MTHFD2L: variants seen among roughly 807,000 people sequenced by gnomAD.
MTHFD2L encodes methylenetetrahydrofolate dehydrogenase (NADP+ dependent) 2 like.
In MTHFD2L, 29 loss-of-function variants were observed where a neutral mutation model predicts 34.9. That is an observed-to-expected ratio of 0.83 (90% CI 0.62 to 1.13). The LOEUF (loss-of-function observed/expected upper bound fraction) is 1.13. Ranked by LOEUF, MTHFD2L falls within the 50% of genes most tolerant of loss-of-function variation. MTHFD2L has a pLI of 0.00. For synonymous variants in MTHFD2L, 167 were observed against 155.7 expected, an observed-to-expected ratio of 1.07 and a Z score of -0.54; for missense variants, 481 against 446.5, an observed-to-expected ratio of 1.08 and a Z score of -0.70.
intron 1 of MTHFD2L, among the ~76,000 whole-genome samples, chr4:74,169,622 C>G (rs1342872207): frequency 6.6e-6 from 1 of 152,112 alleles, no homozygotes; most frequent in Non-Finnish European, 1.5e-5. Flanking sequence ...ATATTGCTGA[C>G]ACAAATTGAT....
intron 5 of MTHFD2L, among the ~76,000 whole-genome samples, chr4:74,218,637 A>G (rs993426085): frequency 3.4e-5 from 5 of 148,344 alleles, no homozygotes; most frequent in Middle Eastern, 3.4e-3. Context: ...CACCAAAAAA[A>G]TGATACTAAC....
intron 1 of MTHFD2L, among the ~76,000 whole-genome samples, chr4:74,150,106 T>A (rs989092702): frequency 1.3e-5 from 2 of 152,022 alleles, no homozygotes; most frequent in African/African-American, 4.8e-5. Context: ...CCAAAGAAAG[T>A]GGGTAGGTTG....
intron 1 of MTHFD2L, among the ~76,000 whole-genome samples, chr4:74,150,256 T>C (rs970145414): frequency 6.6e-6 from 1 of 152,172 alleles, no homozygotes; most frequent in Non-Finnish European, 1.5e-5. Context: ...GTTTTTGTTG[T>C]TGTTGTTTGT....
upstream of MTHFD2L, among the ~76,000 whole-genome samples, chr4:74,121,722 G>A (rs1466077924): frequency 6.9e-6 from 1 of 144,028 alleles, no homozygotes; most frequent in South Asian, 2.2e-4. Context: ...TATATATGGC[G>A]AGTTGTATAA....
At chr4:74,149,381 C>T (rs1031412812) in intron 1 of MTHFD2L, among the ~76,000 whole-genome samples, 1 of 150,312 alleles carries the variant, frequency 6.7e-6, no homozygotes, top group African/African-American at 2.4e-5. Context: ...AAACTAAATG[C>T]CCCTATTTAA....
intron 2 of MTHFD2L, among the ~76,000 whole-genome samples, chr4:74,115,253 T>C (rs1721638451): frequency 6.6e-6 from 1 of 152,208 alleles, no homozygotes; most frequent in African/African-American, 2.4e-5. Flanking sequence ...ATTAGTGGAT[T>C]TGAGATTGAG....
At chr4:74,177,490 CAA>C (rs1320110914) in intron 3 of MTHFD2L, among the ~76,000 whole-genome samples, 1 of 151,724 alleles carries the variant, frequency 6.6e-6, no homozygotes, top group Non-Finnish European at 1.5e-5. Context: ...TACAAATGGC[CAA>C]CAGGTATATG....
intron 5 of MTHFD2L, among the ~76,000 whole-genome samples, chr4:74,220,316 CTT>C (rs1387654335): frequency 1.3e-5 from 2 of 151,824 alleles, no homozygotes; most frequent in East Asian, 3.9e-4. Flanking sequence ...CCAAGGGAGA[CTT>C]TTAGACTTTT....
At chr4:74,224,670 C>A (rs1738853835) in intron 5 of MTHFD2L, among the ~76,000 whole-genome samples, 1 of 152,066 alleles carries the variant, frequency 6.6e-6, no homozygotes, top group Non-Finnish European at 1.5e-5. Context: ...CATATAAAAT[C>A]TTCCTGTGAT....
Position 74,189,485 on chromosome 4 carries a change from C to CCTTTTTTTTTT in MTHFD2L, c.452-10309_452-10308insCTTTTTTTTTT, listed in dbSNP as rs1168720652. Among the ~76,000 whole-genome samples the CCTTTTTTTTTT allele has an allele frequency of 5.6e-3, 671 of 119,698 alleles. 31 individuals carry two copies. The highest frequency in any genetic ancestry group is 0.022 in the African/African-American group (549 of 24,630). 78.5% of individuals were successfully genotyped at this position (119,698 alleles called of 152,430 possible). A position where few individuals can be genotyped will look rare whatever the true frequency, so the allele number is the denominator to read the frequency against. On this transcript the variant is annotated intron_variant, in intron 3 of 7. Transcript: ENST00000325278. ...CATTGAGCAAGCAGTGTTTTTCTTC[C>CCTTTTTTTTTT]TTTTTTTTTTTTTTTTTTTTTTTTT...
intron 2 of MTHFD2L, among the ~76,000 whole-genome samples, chr4:74,115,672 C>T (rs1336276238): frequency 3.3e-5 from 5 of 152,186 alleles, no homozygotes; most frequent in African/African-American, 1.2e-4. Context: ...TTCCTCTTCT[C>T]CTTTAATGGC....
chr4:74,177,662 G>T (rs891922558), intron 3 of MTHFD2L, among the ~76,000 whole-genome samples: 1 of 151,696 alleles, frequency 6.6e-6, no homozygotes, highest in Non-Finnish European at 1.5e-5. Context: ...AATGTAAATT[G>T]GTACAGTCAT....
At chr4:74,163,442 A>T (rs1233297083) in intron 1 of MTHFD2L, among the ~76,000 whole-genome samples, 1 of 152,260 alleles carries the variant, frequency 6.6e-6, no homozygotes, top group Non-Finnish European at 1.5e-5. Flanking sequence ...TTAGTTTGAA[A>T]ACAATGGATA....
At chr4:74,181,873 C>T (rs763477445) in intron 3 of MTHFD2L, 12 of 152,010 alleles carry the variant, frequency 7.9e-5, no homozygotes, top group Non-Finnish European at 1.5e-5. Flanking sequence ...AGGTGGATAT[C>T]GACCTAACTA....
At chr4:74,250,364 C>CT (rs1175613434) in intron 6 of MTHFD2L, among the ~76,000 whole-genome samples, 10 of 151,066 alleles carry the variant, frequency 6.6e-5, no homozygotes, top group Admixed American at 6.6e-5. Context: ...AAATAGCAGT[C>CT]TTTTTTTTTC....
intron 6 of MTHFD2L, among the ~76,000 whole-genome samples, chr4:74,281,112 C>A (rs1273693897): frequency 6.6e-6 from 1 of 152,016 alleles, no homozygotes; most frequent in East Asian, 1.9e-4. Flanking sequence ...TCCGCAGTCT[C>A]CCCATGCCAT....
chr4:74,127,712 G>C (rs1347130861), intron 1 of MTHFD2L, among the ~76,000 whole-genome samples: 1 of 151,988 alleles, frequency 6.6e-6, no homozygotes, highest in Non-Finnish European at 1.5e-5. Context: ...AATAAATATG[G>C]GATTGCAGAT....
chr4:74,209,270 G>A (rs1735886667), intron 5 of MTHFD2L, among the ~76,000 whole-genome samples: 1 of 152,104 alleles, frequency 6.6e-6, no homozygotes, highest in South Asian at 2.1e-4. Context: ...GTATACATGG[G>A]CCATGGTGGT....
At chr4:74,268,812 C>T (rs959492387) in intron 6 of MTHFD2L, among the ~76,000 whole-genome samples, 2 of 152,198 alleles carry the variant, frequency 1.3e-5, no homozygotes, top group Non-Finnish European at 2.9e-5. Context: ...TAGCCTCCCA[C>T]TAGCTGAAGA....
Sources: gnomAD v4.1 joint callset for allele counts (sites outside exome capture counted in the v4.1 genomes callset) on GRCh38, gnomAD v4.1.1 for gene constraint, MANE v1.5 for transcripts, NCBI Gene and HGNC (gene_info 2026-07-23, HGNC 2026-07-21) for gene names.